EPHA4: variants seen among roughly 807,000 people sequenced by gnomAD.
EPHA4 encodes ephrin type-A receptor 4.
In EPHA4, 19 loss-of-function variants were observed where a neutral mutation model predicts 108.3. The ratio of observed to expected loss-of-function variants is 0.18; its 90% CI spans 0.12 to 0.26. EPHA4 has a LOEUF of 0.26. Among genes scored for constraint, EPHA4 ranks in the 10% least tolerant of loss-of-function variants. The pLI is 1.00. For synonymous variants in EPHA4, 449 were observed against 455.5 expected, an observed-to-expected ratio of 0.99 and a Z score of 0.18; for missense variants, 917 against 1,254.0, an observed-to-expected ratio of 0.73 and a Z score of 4.06.
chr2:221,482,203 G>T, intron 5 of EPHA4, 149 bp downstream of exon 5: 1 of 822,600 alleles, frequency 1.2e-6, no homozygotes, highest in Non-Finnish European at 1.8e-6. Flanking sequence ...AAGCCACCGT[G>T]CCCAGCCCCT....
Position 221,425,223 on chromosome 2 carries a change from G to C in EPHA4, c.*805C>G, listed in dbSNP as rs1456239364. ...GTTGGACTTACCTTGCAGATCTGGGGTCGCTTCTTTAAAGGAGCGAAGTGT... is the reference window on the plus strand; with the variant it reads ...GTTGGACTTACCTTGCAGATCTGGGCTCGCTTCTTTAAAGGAGCGAAGTGT... On this transcript the variant is annotated 3_prime_UTR_variant, in exon 17 of 18. Transcript: ENST00000281821. 1 of 152,488 alleles carries C rather than the reference G, an allele frequency of 6.6e-6. No individual in the cohort carries two copies. Among genetic ancestry groups the C allele is most frequent in the African/African-American group, 2.4e-5 (1 of 41,428 alleles). 9.4% of individuals were successfully genotyped at this position (152,488 alleles called of 1,614,324 possible). A position where few individuals can be genotyped will look rare whatever the true frequency, so the allele number is the denominator to read the frequency against.
chr2:221,426,025 G>T lies in EPHA4; in HGVS notation c.*3C>A, dbSNP rs374978154. On this transcript the variant is annotated 3_prime_UTR_variant, in exon 17 of 18. Transcript: ENST00000281821. Reference sequence around the variant, plus strand: ...AAGAGTTTTGAGTTTATTCAGTACTGGCTCAGACGGGAACCATTCTGCCGT... The same window carrying T: ...AAGAGTTTTGAGTTTATTCAGTACTTGCTCAGACGGGAACCATTCTGCCGT... 6.2e-7 allele frequency: 1 copy of T among 1,613,108 alleles called. No individual in the cohort carries two copies. Among genetic ancestry groups the T allele is most frequent in the South Asian group, 1.1e-5 (1 of 91,056 alleles).
At chr2:221,553,338 C>T (rs1327164515) in intron 3 of EPHA4, among the ~76,000 whole-genome samples, 2 of 152,152 alleles carry the variant, frequency 1.3e-5, no homozygotes, top group Non-Finnish European at 2.9e-5. Context: ...ATGAAGAATC[C>T]ACTGTGGAAA....
chr2:221,494,505 G>C (rs754872519), intron 4 of EPHA4, among the ~76,000 whole-genome samples: 3 of 152,188 alleles, frequency 2.0e-5, no homozygotes, highest in Non-Finnish European at 4.4e-5. Context: ...TACTTGGGAG[G>C]CTGAGGCAGG....
In EPHA4 at chr2:221,530,553, C is replaced by G. The variant is rs1357964441; in HGVS notation, c.824-29381G>C. Among the ~76,000 whole-genome samples, 9 of 152,190 alleles carry G rather than the reference C, an allele frequency of 5.9e-5. No homozygotes were observed. In the East Asian group the frequency reaches 1.7e-3, roughly 29 times the overall value. ...GAGGTGGCTCTGCCACAGGGCAGCACCCTGCAAGAAGTAGGGGGACTGGGG... is the reference window on the plus strand; with the variant it reads ...GAGGTGGCTCTGCCACAGGGCAGCAGCCTGCAAGAAGTAGGGGGACTGGGG... On this transcript the variant is annotated intron_variant, in intron 3 of 17. Transcript: ENST00000281821.
Position 221,456,763 on chromosome 2 carries a change from C to T in EPHA4, c.1453G>A (p.Glu485Lys), listed in dbSNP as rs767504649. 2.5e-5 allele frequency: 40 copies of T among 1,613,528 alleles called. No homozygotes were observed. The highest frequency in any genetic ancestry group is 2.5e-6 in the Non-Finnish European group (3 of 1,179,728). The change falls in exon 7 of 18, where the codon GAG becomes AAG. Residue 485 changes from glutamate to lysine, a missense_variant. Physicochemically the swap from Glu to Lys is moderately conservative, Grantham distance 56. Around this residue, in one of 3 missense-constraint regions of EPHA4, gnomAD observed 758 missense variants for 1,076.7 expected, o/e 0.70. Transcript: ENST00000281821. ...GTCCGAACTATACGATAGCTTCGCT[C>T]ATTCTGATCCTACATCATGGCAAGA... ...EVKYYEKDQN[E>K]RSYRIVRTAA...
intron 9 of EPHA4, among the ~76,000 whole-genome samples, chr2:221,444,185 A>G (rs1690516182): frequency 6.6e-6 from 1 of 152,212 alleles, no homozygotes; most frequent in Non-Finnish European, 1.5e-5. Context: ...CTGGTTTGGA[A>G]AGAAGGTGTC....
At chr2:221,479,718 A>G (rs143712661) in intron 5 of EPHA4, among the ~76,000 whole-genome samples, 257 of 152,374 alleles carry the variant, frequency 1.7e-3, no homozygotes, top group African/African-American at 5.8e-3. Flanking sequence ...AACTATCCTG[A>G]TGACTTGAAT....
intron 9 of EPHA4, 129 bp downstream of exon 9, chr2:221,445,994 T>C (rs982147561): frequency 1.9e-5 from 8 of 422,382 alleles, no homozygotes; most frequent in African/African-American, 6.2e-5. Flanking sequence ...AAGTACATTA[T>C]TGGGATAAGG....
intron 5 of EPHA4, among the ~76,000 whole-genome samples, chr2:221,461,126 C>A (rs1197657018): frequency 2.0e-5 from 3 of 152,120 alleles, no homozygotes; most frequent in African/African-American, 7.2e-5. Context: ...TATATGGGCA[C>A]CCGCTTGAGA....
chr2:221,426,316 A>G, intron 16 of EPHA4, 148 bp downstream of exon 16: 1 of 1,057,812 alleles, frequency 9.5e-7, no homozygotes, highest in South Asian at 1.6e-5. Flanking sequence ...GATACTTTAT[A>G]GAGGCTGTGT....
intron 3 of EPHA4, among the ~76,000 whole-genome samples, chr2:221,536,647 GGTT>G (rs931445957): frequency 1.3e-5 from 2 of 152,094 alleles, no homozygotes; most frequent in African/African-American, 4.8e-5. Context: ...TCTCAAAGGG[GGTT>G]ATTATATACC....
intron 13 of EPHA4, 48 bp downstream of exon 13, chr2:221,436,351 G>C (rs1435771415): frequency 1.3e-6 from 2 of 1,568,080 alleles, no homozygotes; most frequent in Non-Finnish European, 1.8e-6. Context: ...GAGAAGAGAG[G>C]AACAGTTTCA....
At chr2:221,437,720 T>C (rs556083710) in intron 11 of EPHA4, among the ~76,000 whole-genome samples, 111 of 145,030 alleles carry the variant, frequency 7.7e-4, no homozygotes, top group African/African-American at 2.7e-3. Context: ...GAGACAAGCC[T>C]GGCCAACATG....
At chr2:221,535,399 C>G (rs1422070911) in intron 3 of EPHA4, among the ~76,000 whole-genome samples, 1 of 152,180 alleles carries the variant, frequency 6.6e-6, no homozygotes, top group African/African-American at 2.4e-5. Context: ...AAGCACTTAC[C>G]TTCCACTAAG....
chr2:221,553,705 C>A (rs973515451), intron 3 of EPHA4, among the ~76,000 whole-genome samples: 1 of 152,206 alleles, frequency 6.6e-6, no homozygotes, highest in Non-Finnish European at 1.5e-5. Flanking sequence ...AACATGGAAC[C>A]TTTTTCGCCT....
In EPHA4 at chr2:221,434,228, C is replaced by T. The variant is rs1429208033; in HGVS notation, c.2410G>A (p.Ala804Thr). ...ATTCCATAGCTCCATACATCACTTG[C>T]TGATGTGAATTTACGATAGGCAATT... Reference protein sequence around the residue: ...EAIAYRKFTSASDVWSYGIVM... With the variant: ...EAIAYRKFTSTSDVWSYGIVM... Residue 804 changes from alanine (A) to threonine (T), a missense_variant, in exon 14 of 18, where the codon GCA (alanine) becomes ACA (threonine). Physicochemically the swap from Ala to Thr is moderately conservative, Grantham distance 58. Around this residue, in one of 3 missense-constraint regions of EPHA4, gnomAD observed 758 missense variants for 1,076.7 expected, o/e 0.70. Transcript: ENST00000281821. The T allele has an allele frequency of 6.2e-7, 1 of 1,613,998 alleles. No individual in the cohort carries two copies. The highest frequency in any genetic ancestry group is 2.2e-5 in the East Asian group (1 of 44,886).
At chr2:221,488,620 A>G (rs1282846277) in intron 4 of EPHA4, among the ~76,000 whole-genome samples, 1 of 152,220 alleles carries the variant, frequency 6.6e-6, no homozygotes, top group Non-Finnish European at 1.5e-5. Context: ...ATGTCACCTC[A>G]CATTCAGTTG....
At chr2:221,532,967 G>A (rs549689007) in intron 3 of EPHA4, 1 of 152,334 alleles carries the variant, frequency 6.6e-6, no homozygotes, top group Admixed American at 6.5e-5. Context: ...CTTCTGTAGG[G>A]GGAGTCGGCC....
Sources: allele counts gnomAD v4.1 joint callset (sites outside exome capture counted in the v4.1 genomes callset), GRCh38; gene constraint gnomAD v4.1.1; regional missense constraint gnomAD v4.1.1; transcripts MANE v1.5; gene names NCBI Gene and HGNC (gene_info 2026-07-23, HGNC 2026-07-21).